ASCC3: variants seen among roughly 807,000 people sequenced by gnomAD.
ASCC3 encodes the protein activating signal cointegrator 1 complex subunit 3.
A neutral mutation model predicts 256.3 loss-of-function variants in ASCC3; 158 were observed. The observed-to-expected ratio is 0.62, with a 90% CI of 0.54 to 0.70. ASCC3 has a LOEUF of 0.70. ASCC3 is among the 30% of genes least tolerant of loss of function. The probability of loss-of-function intolerance (pLI) is 0.00; values close to 1 mark genes in which losing one functional copy is unlikely to be tolerated. For missense variants in ASCC3, 2,259 were observed against 2,626.0 expected (o/e 0.86, Z 3.05); for synonymous variants, 948 against 883.4 (o/e 1.07, Z -1.30).
At chr6:100,706,157 T>C (rs571368317) in intron 13 of ASCC3, among the ~76,000 whole-genome samples, 7 of 149,856 alleles carry the variant, frequency 4.7e-5, no homozygotes, top group Non-Finnish European at 8.9e-5. Context: ...AATAATAAAA[T>C]TGAAGAGTTT....
chr6:100,799,566 C>T lies in ASCC3; in HGVS notation c.1134G>A (p.Gln378=), dbSNP rs534803933. The change falls in exon 7 of 42, where the codon CAG becomes CAA. Residue 378 remains glutamine, a synonymous_variant. Coordinates refer to ENST00000369162, the MANE Select transcript of ASCC3 (RefSeq NM_006828.4). Reference sequence around the variant, plus strand: ...GAACACTTCTAGCATTCAGAAGTGCCTGTTCTCTGTAAACATAAAAATAGG... The same window carrying T: ...GAACACTTCTAGCATTCAGAAGTGCTTGTTCTCTGTAAACATAAAAATAGG... ...DPKELRIQRE[Q]ALLNARSVPI... The T allele has an allele frequency of 4.3e-6, 7 of 1,611,968 alleles. No homozygotes were observed. The South Asian group carries it at 6.6e-5, about 15-fold the overall frequency.
chr6:100,656,707 A>G (rs1775931840), intron 16 of ASCC3, among the ~76,000 whole-genome samples: 1 of 151,498 alleles, frequency 6.6e-6, no homozygotes, highest in South Asian at 2.1e-4. Flanking sequence ...ATTAACAAAG[A>G]ATTTCAATGA....
intron 33 of ASCC3, among the ~76,000 whole-genome samples, chr6:100,602,653 C>T (rs1158464839): frequency 6.6e-6 from 1 of 151,930 alleles, no homozygotes; most frequent in African/African-American, 2.4e-5. Flanking sequence ...GAAAAGTGAG[C>T]AAATATATTC....
chr6:100,610,753 C>T (rs1773351572), intron 30 of ASCC3, among the ~76,000 whole-genome samples: 1 of 152,082 alleles, frequency 6.6e-6, no homozygotes, highest in Non-Finnish European at 1.5e-5. Flanking sequence ...AAAATTAGCA[C>T]AGGACATGTA....
At chr6:100,521,728 T>C (rs929530246) in intron 37 of ASCC3, among the ~76,000 whole-genome samples, 5 of 152,172 alleles carry the variant, frequency 3.3e-5, no homozygotes, top group African/African-American at 4.8e-5. Context: ...TCAGTTTGAG[T>C]GGGCAAGCCC....
chr6:100,585,862 C>A lies in ASCC3; in HGVS notation c.5550+3772G>T, dbSNP rs935078886. ...GAGGTCCACTCCAGACCCTGTTTGCCTGGGTATCAGCAGCGGTGTCTGCAG... is the reference window on the plus strand; with the variant it reads ...GAGGTCCACTCCAGACCCTGTTTGCATGGGTATCAGCAGCGGTGTCTGCAG... On this transcript the variant is annotated intron_variant, in intron 36 of 41. Transcript: ENST00000369162. Among the ~76,000 whole-genome samples, 11 of 152,180 alleles carry A rather than the reference C, an allele frequency of 7.2e-5. 1 individual carries two copies. Among genetic ancestry groups the A allele is most frequent in the Non-Finnish European group, 1.3e-4 (9 of 68,040 alleles).
chr6:100,648,382 T>C (rs1775494987), intron 20 of ASCC3, among the ~76,000 whole-genome samples: 1 of 152,046 alleles, frequency 6.6e-6, no homozygotes, highest in Non-Finnish European at 1.5e-5. Context: ...AAATAAAGAA[T>C]GTTCAGTCTG....
intron 30 of ASCC3, among the ~76,000 whole-genome samples, chr6:100,623,691 T>C (rs1278687390): frequency 1.3e-5 from 2 of 152,168 alleles, no homozygotes; most frequent in Non-Finnish European, 2.9e-5. Context: ...TCTGTTTTCA[T>C]TGTAACTCAA....
chr6:100,621,413 A>G (rs541680496), intron 30 of ASCC3, among the ~76,000 whole-genome samples: 4 of 152,302 alleles, frequency 2.6e-5, no homozygotes, highest in African/African-American at 2.4e-5. Context: ...GAACCCCACT[A>G]AAAAGTGGGC....
intron 37 of ASCC3, among the ~76,000 whole-genome samples, chr6:100,532,335 C>CGT (rs3073701): frequency 0.057 from 5,709 of 99,746 alleles, 184 homozygotes; most frequent in Admixed American, 0.1. Flanking sequence ...TGCTATCTTG[C>CGT]GTGTGTGTGT....
At chr6:100,872,258 G>A (rs558449308) in intron 1 of ASCC3, among the ~76,000 whole-genome samples, 1 of 152,228 alleles carries the variant, frequency 6.6e-6, no homozygotes, top group African/African-American at 2.4e-5. Context: ...GTAATGTCCT[G>A]AATCCTCTGT....
intron 10 of ASCC3, among the ~76,000 whole-genome samples, chr6:100,764,348 TAAAG>T (rs1004591270): frequency 2.6e-5 from 4 of 152,168 alleles, no homozygotes; most frequent in African/African-American, 7.2e-5. Context: ...TGTCAATAGA[TAAAG>T]GAAGATACTA....
intron 4 of ASCC3, among the ~76,000 whole-genome samples, chr6:100,807,832 A>T (rs1770265449): frequency 6.6e-6 from 1 of 151,960 alleles, no homozygotes; most frequent in Non-Finnish European, 1.5e-5. Flanking sequence ...TACTATATAT[A>T]GAATAAATGT....
chr6:100,868,822 A>C (rs982052021), intron 1 of ASCC3, among the ~76,000 whole-genome samples: 1 of 152,212 alleles, frequency 6.6e-6, no homozygotes, highest in African/African-American at 2.4e-5. Flanking sequence ...ACAGCTGATG[A>C]GGGGGAAGAA....
intron 36 of ASCC3, among the ~76,000 whole-genome samples, chr6:100,577,742 C>CCACACACACA (rs139409330): frequency 1.3e-5 from 2 of 149,450 alleles, no homozygotes; most frequent in African/African-American, 4.9e-5. Flanking sequence ...ACCCACCCAC[C>CCACACACACA]CACACACACA....
At chr6:100,592,381 C>T (rs528909255) in intron 34 of ASCC3, among the ~76,000 whole-genome samples, 189 of 151,932 alleles carry the variant, frequency 1.2e-3, no homozygotes, top group African/African-American at 4.4e-3. Flanking sequence ...GTAAATTGAA[C>T]TTCACTGATC....
intron 8 of ASCC3, among the ~76,000 whole-genome samples, chr6:100,774,295 C>A (rs1206839720): frequency 6.6e-6 from 1 of 152,068 alleles, no homozygotes; most frequent in Non-Finnish European, 1.5e-5. Context: ...GTACATGTCA[C>A]GTGCATGTAC....
intron 34 of ASCC3, among the ~76,000 whole-genome samples, chr6:100,598,278 T>C (rs1247501102): frequency 6.6e-6 from 1 of 152,116 alleles, no homozygotes; most frequent in East Asian, 1.9e-4. Context: ...TAAGAGCTCT[T>C]AGTCAATGCA....
chr6:100,667,103 A>T (rs1431313017), intron 14 of ASCC3, among the ~76,000 whole-genome samples: 1 of 152,238 alleles, frequency 6.6e-6, no homozygotes, highest in Admixed American at 6.5e-5. Context: ...TGACAAAATT[A>T]TGTCTTATTT....
Sources: gnomAD v4.1 joint callset for allele counts (sites outside exome capture counted in the v4.1 genomes callset) on GRCh38, gnomAD v4.1.1 for gene constraint, MANE v1.5 for transcripts, NCBI Gene and HGNC (gene_info 2026-07-23, HGNC 2026-07-21) for gene names.